RBFOX1: variants seen among roughly 807,000 people sequenced by gnomAD.
The protein encoded by RBFOX1 is RNA binding protein fox-1 homolog 1.
In RBFOX1, 8 loss-of-function variants were observed where a neutral mutation model predicts 57.7. That is an observed-to-expected ratio of 0.14 (90% CI 0.08 to 0.25). The LOEUF (loss-of-function observed/expected upper bound fraction) is 0.25. Ranked by LOEUF, RBFOX1 falls within the 10% of genes least tolerant of loss-of-function variation. The probability of loss-of-function intolerance (pLI) is 1.00; values close to 1 mark genes in which losing one functional copy is unlikely to be tolerated. For missense variants in RBFOX1, 611 were observed against 548.5 expected, an observed-to-expected ratio of 1.11 and a Z score of -1.14; for synonymous variants, 326 against 222.4, an observed-to-expected ratio of 1.47 and a Z score of -4.15.
At chr16:5,680,001 C>G (rs895337127) in intron 3 of RBFOX1, among the ~76,000 whole-genome samples, 2 of 152,318 alleles carry the variant, frequency 1.3e-5, no homozygotes, top group Non-Finnish European at 2.9e-5. Context: ...AAAGGAATAT[C>G]TCCCTATGAG....
At chr16:5,427,062 T>C (rs2067583135) in intron 1 of RBFOX1, among the ~76,000 whole-genome samples, 1 of 152,150 alleles carries the variant, frequency 6.6e-6, no homozygotes, top group African/African-American at 2.4e-5. Flanking sequence ...TACCTCATGG[T>C]GTCTTATACA....
chr16:7,344,606 A>C (rs923260955), intron 4 of RBFOX1, among the ~76,000 whole-genome samples: 4 of 151,778 alleles, frequency 2.6e-5, no homozygotes, highest in Non-Finnish European at 4.4e-5. Context: ...TATTATTTCT[A>C]CTCTTGCTAC....
chr16:5,882,962 T>C (rs2057799970), intron 4 of RBFOX1, among the ~76,000 whole-genome samples: 1 of 152,168 alleles, frequency 6.6e-6, no homozygotes, highest in Non-Finnish European at 1.5e-5. Context: ...TAAAGGAACG[T>C]TGTTGTTGGC....
chr16:7,075,036 A>G (rs2058049790), intron 4 of RBFOX1, among the ~76,000 whole-genome samples: 1 of 151,950 alleles, frequency 6.6e-6, no homozygotes, highest in African/African-American at 2.4e-5. Flanking sequence ...GGGCAAAGGA[A>G]CTCCCCAAAG....
At chr16:6,522,796 C>T (rs530576074) in intron 2 of RBFOX1, among the ~76,000 whole-genome samples, 1 of 152,156 alleles carries the variant, frequency 6.6e-6, no homozygotes, top group Admixed American at 6.6e-5. Context: ...ATAATGCAAC[C>T]CAAACCTTTG....
At chr16:7,228,219 C>T (rs1603390408) in intron 4 of RBFOX1, among the ~76,000 whole-genome samples, 1 of 150,934 alleles carries the variant, frequency 6.6e-6, no homozygotes, top group South Asian at 2.1e-4. Context: ...ATTTTCAATA[C>T]ATATTTGTTG....
At chr16:6,996,203 C>T (rs962404417) in intron 3 of RBFOX1, among the ~76,000 whole-genome samples, 3 of 152,144 alleles carry the variant, frequency 2.0e-5, no homozygotes, top group Non-Finnish European at 4.4e-5. Context: ...TTTTGATTTC[C>T]TAGCCATCTT....
At chr16:7,103,559 TAG>T (rs1224800441) in intron 4 of RBFOX1, among the ~76,000 whole-genome samples, 6 of 152,080 alleles carry the variant, frequency 3.9e-5, no homozygotes, top group African/African-American at 1.4e-4. Context: ...AATGTATAGA[TAG>T]ATTGATAATC....
chr16:6,751,371 G>T (rs2074904939), intron 3 of RBFOX1, among the ~76,000 whole-genome samples: 1 of 152,122 alleles, frequency 6.6e-6, no homozygotes, highest in African/African-American at 2.4e-5. Context: ...TAGAATGCAT[G>T]CTAGTAGATA....
At chr16:6,191,632 T>G (rs2097142513) in intron 1 of RBFOX1, among the ~76,000 whole-genome samples, 1 of 151,950 alleles carries the variant, frequency 6.6e-6, no homozygotes, top group Non-Finnish European at 1.5e-5. Flanking sequence ...AAAACAAGAG[T>G]AATCTGTAAT....
At chr16:7,670,767 A>T (rs1162300358) in intron 13 of RBFOX1, among the ~76,000 whole-genome samples, 5 of 152,228 alleles carry the variant, frequency 3.3e-5, no homozygotes, top group Admixed American at 3.3e-4. Flanking sequence ...GTGTTCAGCC[A>T]TCTCAGTGTC....
intron 1 of RBFOX1, among the ~76,000 whole-genome samples, chr16:6,196,568 C>A (rs556749294): frequency 2.0e-5 from 3 of 152,242 alleles, no homozygotes; most frequent in South Asian, 2.1e-4. Flanking sequence ...ATCCACCCCC[C>A]AAATGTGAAT....
chr16:5,828,660 C>G (rs1212117783), intron 3 of RBFOX1, among the ~76,000 whole-genome samples: 1 of 151,988 alleles, frequency 6.6e-6, no homozygotes, highest in East Asian at 1.9e-4. Context: ...GATCATGCTA[C>G]TGCAGTCCAG....
chr16:6,695,413 CAAAAAAAAA>C (rs71145278), intron 3 of RBFOX1, among the ~76,000 whole-genome samples: 30 of 109,094 alleles, frequency 2.7e-4, no homozygotes, highest in African/African-American at 7.4e-4. Context: ...GAAACTCTGT[CAAAAAAAAA>C]AAAAAAAAAA....
rs1165644198 is a variant in RBFOX1 at position 6,396,065 on chromosome 16, CAA to C, written c.-64+79029_-64+79030del. Among the ~76,000 whole-genome samples the C allele has an allele frequency of 2.3e-3, 142 of 61,486 alleles. 1 individual carries two copies. The highest frequency in any genetic ancestry group is 8.1e-3 in the African/African-American group (135 of 16,752). 40.3% of individuals were successfully genotyped at this position (61,486 alleles called of 152,430 possible). On this transcript the variant is annotated intron_variant, in intron 2 of 15. Coordinates refer to ENST00000550418, the MANE Select transcript of RBFOX1 (RefSeq NM_018723.4). ...TGGGTGACAGAGCAAGACTCCTTCTCAAAAAAAAAAAAAAAAAAAAAAGGACA... is the reference window on the plus strand; with the variant it reads ...TGGGTGACAGAGCAAGACTCCTTCTCAAAAAAAAAAAAAAAAAAAAGGACA...
intron 3 of RBFOX1, among the ~76,000 whole-genome samples, chr16:6,858,065 T>C (rs1040945657): frequency 6.6e-6 from 1 of 152,236 alleles, no homozygotes. Context: ...ATGGCCTTGC[T>C]TAAAGTTTTT....
intron 3 of RBFOX1, among the ~76,000 whole-genome samples, chr16:5,795,137 G>A (rs779828017): frequency 6.6e-6 from 1 of 152,158 alleles, no homozygotes; most frequent in Non-Finnish European, 1.5e-5. Flanking sequence ...CTGTAGATCA[G>A]TAGCGATGGA....
intron 4 of RBFOX1, among the ~76,000 whole-genome samples, chr16:7,087,347 A>G (rs1203593102): frequency 6.6e-6 from 1 of 152,160 alleles, no homozygotes; most frequent in Admixed American, 6.5e-5. Context: ...ACCCGCCATC[A>G]GGAAATGGTG....
At chr16:5,401,744 T>C (rs2151439732) in intron 1 of RBFOX1, among the ~76,000 whole-genome samples, 1 of 134,882 alleles carries the variant, frequency 7.4e-6, no homozygotes, top group South Asian at 2.2e-4. Context: ...TCTCTTTTTC[T>C]CTCTCTCTCT....
Sources: allele counts gnomAD v4.1 joint callset (sites outside exome capture counted in the v4.1 genomes callset), GRCh38; gene constraint gnomAD v4.1.1; transcripts MANE v1.5; gene names NCBI Gene and HGNC (gene_info 2026-07-23, HGNC 2026-07-21).